Variants in HSF1 observed in about 807,000 individuals in gnomAD.
HSF1 encodes the protein heat shock transcription factor 1.
A neutral mutation model predicts 51.7 loss-of-function variants in HSF1; 32 were observed. The observed-to-expected ratio is 0.62, with a 90% CI of 0.47 to 0.83. The LOEUF (loss-of-function observed/expected upper bound fraction) is 0.83, where lower values mean the gene tolerates loss of function less well. HSF1 is among the 40% of genes least tolerant of loss of function. The probability of loss-of-function intolerance (pLI) is 0.00; values close to 1 mark genes in which losing one functional copy is unlikely to be tolerated. For synonymous variants in HSF1, 396 were observed against 309.7 expected (o/e 1.28, Z -2.92); for missense variants, 727 against 717.0 (o/e 1.01, Z -0.16).
chr8:144,304,973 A>C (rs1306530342), intron 1 of HSF1, among the ~76,000 whole-genome samples: 9 of 146,206 alleles, frequency 6.2e-5, no homozygotes, highest in Admixed American at 5.5e-4. Flanking sequence ...ATTGAGACAG[A>C]GTCTCACTCT....
chr8:144,294,960 T>C (rs901808552), intron 1 of HSF1, among the ~76,000 whole-genome samples: 3 of 152,152 alleles, frequency 2.0e-5, no homozygotes, highest in Non-Finnish European at 4.4e-5. Flanking sequence ...TCTCAACAGC[T>C]TCTCCCAAAG....
In HSF1 at chr8:144,309,220, G is replaced by A. The variant is rs146971173; in HGVS notation, c.226+206G>A. 4.0e-3 allele frequency: 2,678 copies of A among 662,350 alleles called. 60 individuals carry two copies. In the African/African-American group the frequency reaches 0.043, roughly 11 times the overall value. 41.0% of individuals were successfully genotyped at this position (662,350 alleles called of 1,614,324 possible). ...TGGGTATGAACCTGGGGTCCCCATGGAAGAACCGTGAAGCCGGAGCTGTAC... is the reference window on the plus strand; with the variant it reads ...TGGGTATGAACCTGGGGTCCCCATGAAAGAACCGTGAAGCCGGAGCTGTAC... On this transcript the variant is annotated intron_variant, in intron 2 of 12. Transcript: ENST00000528838.
intron 1 of HSF1, chr8:144,292,634 C>T (rs1245947231): frequency 1.3e-5 from 2 of 152,234 alleles, no homozygotes; most frequent in Non-Finnish European, 2.9e-5. Flanking sequence ...GGGGCAGAGC[C>T]ACCGCCTGCG....
chr8:144,306,017 C>T (rs548971174), intron 1 of HSF1, among the ~76,000 whole-genome samples: 1 of 152,234 alleles, frequency 6.6e-6, no homozygotes, highest in Non-Finnish European at 1.5e-5. Context: ...CAGGCGTGAG[C>T]CACCGCGCCC....
At position 144,312,109 on chromosome 8, in the gene HSF1, G is replaced by A. The variant is rs1554844899; in HGVS notation, c.1007G>A (p.Arg336Gln). 11 of 1,612,312 alleles carry A rather than the reference G, an allele frequency of 6.8e-6. No homozygotes were observed. The highest frequency in any genetic ancestry group is 8.5e-6 in the Non-Finnish European group (10 of 1,179,824). ...SPTALIDSIL[R>Q]ESEPAPASVT... ...ACCGCCCTCATTGACTCCATCCTGC[G>A]GGAGAGTGAACCTGCCCCCGCCTCC... is the stretch of plus-strand genomic sequence containing the variant. The change falls in exon 9 of 13, where the codon CGG becomes CAG. Residue 336 changes from arginine to glutamine, a missense_variant. Transcript: ENST00000528838.
Position 144,297,191 on chromosome 8 carries a change from A to G in HSF1, c.117+5317A>G, listed in dbSNP as rs1162341596. On this transcript the variant is annotated intron_variant, in intron 1 of 12. Transcript: ENST00000528838. The surrounding 1 kb of genome is among the most constrained non-coding windows in gnomAD (Gnocchi z 4.6). ...TTCCCAGAGGAAGCAAGCAGCTCCC[A>G]TCGGGTATATTGAGGGCTGTTGGCT... Among the ~76,000 whole-genome samples the G allele has an allele frequency of 6.6e-6, 1 of 152,162 alleles. No individual in the cohort carries two copies. The highest frequency in any genetic ancestry group is 2.4e-5 in the African/African-American group (1 of 41,440).
intron 1 of HSF1, among the ~76,000 whole-genome samples, chr8:144,293,896 T>C (rs1815279994): frequency 6.6e-6 from 1 of 151,418 alleles, no homozygotes; most frequent in African/African-American, 2.4e-5. Flanking sequence ...TGCTTAAAGA[T>C]TATGAGGCAT....
chr8:144,313,614 G>A lies in HSF1; in HGVS notation c.1246G>A (p.Asp416Asn). ...GFSVDTSALL[D>N]LFSPSVTVPD... is the part of the protein sequence containing the mutation. ...CAGCGTGGACACCAGTGCCCTGCTGGACGTGAGTGGAGCCCCGCCGCCCCG... is the reference window on the plus strand; with the variant it reads ...CAGCGTGGACACCAGTGCCCTGCTGAACGTGAGTGGAGCCCCGCCGCCCCG... The change falls in exon 10 of 13, where the codon GAC becomes AAC. Residue 416 changes from aspartate (D) to asparagine (N), a missense_variant and splice_region_variant. Physicochemically the swap from Asp to Asn is conservative, Grantham distance 23. Transcript: ENST00000528838. The A allele has an allele frequency of 1.3e-6, 2 of 1,572,794 alleles. No individual in the cohort carries two copies. Among genetic ancestry groups the A allele is most frequent in the South Asian group, 1.1e-5 (1 of 89,736 alleles).
At chr8:144,310,939 C>T (rs1366971883) in intron 4 of HSF1, 1 of 577,854 alleles carries the variant, frequency 1.7e-6, no homozygotes, top group South Asian at 2.0e-5. Flanking sequence ...TGGATCCATC[C>T]CCAACACCCT....
intron 1 of HSF1, chr8:144,292,336 G>C (rs1293303812): frequency 6.5e-6 from 1 of 152,898 alleles, no homozygotes; most frequent in Non-Finnish European, 1.5e-5. Context: ...TGCTGTAGTG[G>C]AACAGGAAAG....
chr8:144,314,109 A>AGG lies in HSF1; in HGVS notation c.1385-16_1385-15insGG. 1 of 956,296 alleles carries AGG rather than the reference A, an allele frequency of 1.0e-6. No individual in the cohort carries two copies. The highest frequency in any genetic ancestry group is 1.3e-6 in the Non-Finnish European group (1 of 766,058). The allele number at this position is 956,296 out of a possible 1,614,324, so 59.2% of individuals were successfully genotyped here. A position where few individuals can be genotyped will look rare whatever the true frequency, so the allele number is the denominator to read the frequency against. On this transcript the variant is annotated splice_polypyrimidine_tract_variant and intron_variant, in intron 12 of 12. Coordinates refer to ENST00000528838, the MANE Select transcript of HSF1 (RefSeq NM_005526.4). Reference sequence around the variant, plus strand: ...GCCCCCAACCCCCCACCGCCTTGACACCCCCACCCCCGCAGGGAAGCAGCT... The same window carrying AGG: ...GCCCCCAACCCCCCACCGCCTTGACAGGCCCCCACCCCCGCAGGGAAGCAGCT...
At chr8:144,302,949 C>CGCAGCG (rs1815994754) in intron 1 of HSF1, among the ~76,000 whole-genome samples, 1 of 152,044 alleles carries the variant, frequency 6.6e-6, no homozygotes, top group Non-Finnish European at 1.5e-5. Flanking sequence ...ACACGAAAAC[C>CGCAGCG]GCAGCGACAG....
chr8:144,314,114 C>A lies in HSF1; in HGVS notation c.1385-11C>A, dbSNP rs1554846056. 1.3e-6 allele frequency: 2 copies of A among 1,543,476 alleles called. No individual in the cohort carries two copies. Among genetic ancestry groups the A allele is most frequent in the Non-Finnish European group, 1.7e-6 (2 of 1,143,416 alleles). ...CAACCCCCCACCGCCTTGACACCCC[C>A]ACCCCCGCAGGGAAGCAGCTGGTGC... On this transcript the variant is annotated splice_polypyrimidine_tract_variant and intron_variant, in intron 12 of 12. Coordinates refer to ENST00000528838, the MANE Select transcript of HSF1 (RefSeq NM_005526.4).
intron 11 of HSF1, 25 bp from the exon 12 acceptor site, chr8:144,313,960 T>C (rs1554845920): frequency 1.9e-6 from 3 of 1,610,244 alleles, no homozygotes; most frequent in Non-Finnish European, 8.5e-7. Context: ...GCGGGAGTGC[T>C]CACAATACCG....
At chr8:144,293,246 T>C (rs1322897658) in intron 1 of HSF1, among the ~76,000 whole-genome samples, 1 of 152,232 alleles carries the variant, frequency 6.6e-6, no homozygotes, top group Non-Finnish European at 1.5e-5. Flanking sequence ...TGGAAATCTT[T>C]GCTCTTGTTA....
chr8:144,314,635 C>G lies in HSF1; in HGVS notation c.*305C>G. 1 of 442,644 alleles carries G rather than the reference C, an allele frequency of 2.3e-6. No individual in the cohort carries two copies. The highest frequency in any genetic ancestry group is 4.2e-6 in the Non-Finnish European group (1 of 239,936). The allele number at this position is 442,644 out of a possible 1,614,324, so 27.4% of individuals were successfully genotyped here. A position where few individuals can be genotyped will look rare whatever the true frequency, so the allele number is the denominator to read the frequency against. ...GATTTTTACACAACTGTCCCGTTCC[C>G]CGCTCCACAGAGATACACAGATATA... On this transcript the variant is annotated 3_prime_UTR_variant, in exon 13 of 13. Coordinates refer to ENST00000528838, the MANE Select transcript of HSF1 (RefSeq NM_005526.4).
At chr8:144,312,435 G>A (rs1816744577) in intron 9 of HSF1, among the ~76,000 whole-genome samples, 191 bp downstream of exon 9, 1 of 152,072 alleles carries the variant, frequency 6.6e-6, no homozygotes, top group Non-Finnish European at 1.5e-5. Context: ...CGCCACAGAA[G>A]CCACGGGCAT....
In HSF1 at chr8:144,311,989, G is replaced by C; in HGVS notation, c.887G>C (p.Arg296Pro). Residue 296 changes from arginine to proline, a missense_variant, in exon 9 of 13, where the codon CGT (arginine) becomes CCT (proline). Coordinates refer to ENST00000528838, the MANE Select transcript of HSF1 (RefSeq NM_005526.4). ...CCCCTATCCAGCAGCCCCCTGGTGC[G>C]TGTCAAGGAGGAGCCCCCCAGCCCG... ...ERPLSSSPLV[R>P]VKEEPPSPPQ... The C allele has an allele frequency of 6.3e-7, 1 of 1,592,600 alleles. No homozygotes were observed. The highest frequency in any genetic ancestry group is 1.1e-5 in the South Asian group (1 of 89,440).
At chr8:144,303,060 G>A (rs1816003015) in intron 1 of HSF1, among the ~76,000 whole-genome samples, 1 of 152,014 alleles carries the variant, frequency 6.6e-6, no homozygotes, top group African/African-American at 2.4e-5. Flanking sequence ...AGCAGCTTGG[G>A]AGTTGCATGT....
Sources: gnomAD v4.1 joint callset for allele counts (sites outside exome capture counted in the v4.1 genomes callset) on GRCh38, gnomAD v4.1.1 for gene constraint, Gnocchi (gnomAD v3.1) non-coding constraint, MANE v1.5 for transcripts, NCBI Gene and HGNC (gene_info 2026-07-23, HGNC 2026-07-21) for gene names.